The following PCDHGB2 variants were observed in gnomAD, a reference collection of about 807,000 sequenced individuals.
The protein encoded by PCDHGB2 is protocadherin gamma subfamily B, 2.
PCDHGB2 carries 55 observed loss-of-function variants against 59.3 expected under a neutral mutation model. The observed-to-expected ratio is 0.93, with a 90% CI of 0.75 to 1.16. PCDHGB2 has a LOEUF of 1.16. Ranked by LOEUF, PCDHGB2 falls within the 50% of genes most tolerant of loss-of-function variation. The pLI, the probability that PCDHGB2 is intolerant of heterozygous loss-of-function variation, is 0.00. For synonymous variants in PCDHGB2, 516 were observed against 512.0 expected (o/e 1.01, Z -0.11); for missense variants, 1,228 against 1,198.5 (o/e 1.02, Z -0.36).
intron 1 of PCDHGB2, chr5:141,427,677 C>G: frequency 1.2e-6 from 1 of 816,672 alleles, no homozygotes; most frequent in Non-Finnish European, 2.1e-6. Context: ...AAACAACCTT[C>G]CCGGAGCCTC....
At chr5:141,441,911 T>TGAG in intron 1 of PCDHGB2, 1 of 348,148 alleles carries the variant, frequency 2.9e-6, no homozygotes, top group Non-Finnish European at 5.5e-6. Context: ...GACGCAGATG[T>TGAG]GAGACACAAT....
intron 1 of PCDHGB2, chr5:141,371,246 T>G: frequency 6.2e-7 from 1 of 1,614,006 alleles, no homozygotes; most frequent in South Asian, 1.1e-5. Flanking sequence ...TCATCAATAT[T>G]GGCAAGGAAG....
intron 1 of PCDHGB2, chr5:141,422,771 T>C (rs2096671394): frequency 6.2e-7 from 1 of 1,613,954 alleles, no homozygotes; most frequent in Non-Finnish European, 8.5e-7. Flanking sequence ...ACTGGTGTTC[T>C]CTATGCCCTA....
At chr5:141,414,100 G>A (rs1293589634) in intron 1 of PCDHGB2, 2 of 1,593,288 alleles carry the variant, frequency 1.3e-6, no homozygotes. Context: ...AAAAATATCA[G>A]AAAATCTAGA....
Position 141,432,126 on chromosome 5 carries a change from C to A in PCDHGB2, c.2422-62681C>A. 6.2e-7 allele frequency: 1 copy of A among 1,614,144 alleles called. No homozygotes were observed. Among genetic ancestry groups the A allele is most frequent in the South Asian group, 1.1e-5 (1 of 91,058 alleles). ...AACCCGCCGGTCTTCCCTCAGGCCT[C>A]CTATTCCGCTTATATCCCAGAGAAC... On this transcript the variant is annotated intron_variant, in intron 1 of 3. Transcript: ENST00000522605. The surrounding 1 kb of genome is among the most constrained non-coding windows in gnomAD (Gnocchi z 6.0).
chr5:141,384,334 C>A (rs1779970411), intron 1 of PCDHGB2: 1 of 1,613,728 alleles, frequency 6.2e-7, no homozygotes, highest in African/African-American at 1.3e-5. Context: ...TGCACAGGAC[C>A]ACGACAGTGA....
chr5:141,413,371 C>T lies in PCDHGB2; in HGVS notation c.2421+50815C>T, dbSNP rs752898022. 3.7e-6 allele frequency: 6 copies of T among 1,613,966 alleles called. No individual in the cohort carries two copies. In the Admixed American group the frequency reaches 8.3e-5, roughly 22 times the overall value. On this transcript the variant is annotated intron_variant, in intron 1 of 3. Coordinates refer to ENST00000522605, the MANE Select transcript of PCDHGB2 (RefSeq NM_018923.3). ...TCTGGCGCCCCGGGAGCTGGCGGAG[C>T]GCGGAGTCCGCATAGTCTCCAGAGG...
chr5:141,392,841 C>T (rs1464167244), intron 1 of PCDHGB2: 3 of 1,608,800 alleles, frequency 1.9e-6, no homozygotes, highest in Non-Finnish European at 8.5e-7. Flanking sequence ...TCGCCCCAGA[C>T]GCGGCGAGCT....
At chr5:141,419,773 C>G (rs2096431068) in intron 1 of PCDHGB2, 1 of 1,613,916 alleles carries the variant, frequency 6.2e-7, no homozygotes, top group Non-Finnish European at 8.5e-7. Context: ...AGGACTCGGT[C>G]CGCCAGCGCC....
chr5:141,454,272 A>G (rs1226625529), intron 1 of PCDHGB2, among the ~76,000 whole-genome samples: 1 of 152,200 alleles, frequency 6.6e-6, no homozygotes, highest in Non-Finnish European at 1.5e-5. Context: ...ATGCCAGCAA[A>G]AACTTCACAT....
At chr5:141,365,777 G>T (rs543335678) in intron 1 of PCDHGB2, 1 of 1,613,854 alleles carries the variant, frequency 6.2e-7, no homozygotes, top group South Asian at 1.1e-5. Context: ...CGACAGCGGC[G>T]ACAACGCTCG....
At chr5:141,465,775 T>TA (rs2099108994) in intron 1 of PCDHGB2, among the ~76,000 whole-genome samples, 1 of 152,030 alleles carries the variant, frequency 6.6e-6, no homozygotes, top group African/African-American at 2.4e-5. Context: ...CATCTCTTGT[T>TA]ACAGTTTTTT....
chr5:141,399,084 T>C (rs752476131), intron 1 of PCDHGB2: 2 of 1,613,796 alleles, frequency 1.2e-6, no homozygotes, highest in South Asian at 1.1e-5. Context: ...AAGGGAGGGA[T>C]GGTGGTGGAC....
At chr5:141,405,488 C>A in intron 1 of PCDHGB2, 1 of 895,936 alleles carries the variant, frequency 1.1e-6, no homozygotes, top group Non-Finnish European at 1.7e-6. Context: ...GGTGTGATCT[C>A]GGCTCATTGC....
At chr5:141,382,637 G>A (rs993305735) in intron 1 of PCDHGB2, 3 of 381,072 alleles carry the variant, frequency 7.9e-6, no homozygotes, top group African/African-American at 2.1e-5. Context: ...TCAATGTGGT[G>A]CAGTAACTTA....
At chr5:141,509,322 C>G (rs563556144) in intron 3 of PCDHGB2, among the ~76,000 whole-genome samples, 1 of 152,318 alleles carries the variant, frequency 6.6e-6, no homozygotes, top group East Asian at 1.9e-4. Flanking sequence ...GAGAGAAGCT[C>G]TACTGCCAGC....
Position 141,384,271 on chromosome 5 carries a change from T to G in PCDHGB2, c.2421+21715T>G, listed in dbSNP as rs763450732. On this transcript the variant is annotated intron_variant, in intron 1 of 3. Coordinates refer to ENST00000522605, the MANE Select transcript of PCDHGB2 (RefSeq NM_018923.3). ...ACCCACCTTCCCCCACTCATCCTAC[T>G]CAGTCTACATCGCTGAGAACAACCC... is the stretch of plus-strand genomic sequence containing the variant. The G allele has an allele frequency of 4.0e-5, 65 of 1,613,734 alleles. No individual in the cohort carries two copies. The Admixed American group carries it at 5.7e-4, about 14-fold the overall frequency.
chr5:141,376,197 T>G, intron 1 of PCDHGB2: 1 of 1,614,174 alleles, frequency 6.2e-7, no homozygotes, highest in Non-Finnish European at 8.5e-7. Flanking sequence ...TGCGTCTTCC[T>G]GGCCTTCGTC....
At chr5:141,478,165 C>G (rs780594020) in intron 1 of PCDHGB2, 13 of 1,613,920 alleles carry the variant, frequency 8.1e-6, no homozygotes, top group African/African-American at 1.3e-5. Flanking sequence ...GCTCTGCCCC[C>G]CGGGAGCAGA....
Sources: allele counts gnomAD v4.1 joint callset (sites outside exome capture counted in the v4.1 genomes callset), GRCh38; gene constraint gnomAD v4.1.1; non-coding constraint Gnocchi (gnomAD v3.1); transcripts MANE v1.5; gene names NCBI Gene and HGNC (gene_info 2026-07-23, HGNC 2026-07-21).